Variants in MRPS6 observed in about 807,000 individuals in gnomAD.
MRPS6 encodes the protein mitochondrial ribosomal protein S6.
Under a neutral mutation model 13.1 loss-of-function variants are expected in MRPS6, and 6 were observed. That is an observed-to-expected ratio of 0.46 (90% CI 0.25 to 0.91). The LOEUF is 0.91. Ranked by LOEUF, MRPS6 falls within the 40% of genes least tolerant of loss-of-function variation. The probability of loss-of-function intolerance (pLI) is 0.18; values close to 1 mark genes in which losing one functional copy is unlikely to be tolerated. For synonymous variants in MRPS6, 61 were observed against 56.5 expected (o/e 1.08, Z -0.36); for missense variants, 164 against 155.6 (o/e 1.05, Z -0.29).
At chr21:34,109,065 C>G (rs1253074764) in intron 1 of MRPS6, among the ~76,000 whole-genome samples, 1 of 152,140 alleles carries the variant, frequency 6.6e-6, no homozygotes, top group Non-Finnish European at 1.5e-5. Context: ...TCCAACCCTT[C>G]TGTTGAAAAA....
intron 1 of MRPS6, chr21:34,100,507 T>A: frequency 1.0e-6 from 1 of 1,000,248 alleles, no homozygotes; most frequent in Non-Finnish European, 1.2e-6. Flanking sequence ...TCAATAGATC[T>A]CATCTCCTAG....
chr21:34,124,952 A>G (rs1012788686), intron 1 of MRPS6: 1 of 156,762 alleles, frequency 6.4e-6, no homozygotes, highest in Non-Finnish European at 1.4e-5. Context: ...TGTCCTGCCA[A>G]CGAGATACTC....
At chr21:34,081,849 A>G (rs972745776) in intron 1 of MRPS6, among the ~76,000 whole-genome samples, 2 of 152,188 alleles carry the variant, frequency 1.3e-5, no homozygotes, top group African/African-American at 4.8e-5. Context: ...AAAACTTATT[A>G]TATCTAAGTT....
chr21:34,080,667 CTT>C (rs1484965031), intron 1 of MRPS6, among the ~76,000 whole-genome samples: 1 of 152,182 alleles, frequency 6.6e-6, no homozygotes, highest in Non-Finnish European at 1.5e-5. Flanking sequence ...TCACTTTCTA[CTT>C]TGTATTACAG....
chr21:34,115,544 T>A (rs564166178), intron 1 of MRPS6, among the ~76,000 whole-genome samples: 105 of 152,304 alleles, frequency 6.9e-4, no homozygotes, highest in Non-Finnish European at 1.2e-3. Context: ...CTTGCAAGAC[T>A]CTTTCAGTAA....
chr21:34,119,963 T>G (rs964793067), intron 1 of MRPS6, among the ~76,000 whole-genome samples: 29 of 152,186 alleles, frequency 1.9e-4, no homozygotes, highest in Non-Finnish European at 3.8e-4. Flanking sequence ...CCCATTAGCA[T>G]CTCTAGAACT....
intron 1 of MRPS6, chr21:34,124,038 C>A (rs568832664): frequency 6.6e-6 from 1 of 152,430 alleles, no homozygotes; most frequent in African/African-American, 2.4e-5. Context: ...TTTCCTCTCC[C>A]CCTCCACCCT....
chr21:34,131,090 A>G (rs1980485300), intron 2 of MRPS6, among the ~76,000 whole-genome samples: 1 of 152,202 alleles, frequency 6.6e-6, no homozygotes, highest in South Asian at 2.1e-4. Context: ...TCCCAAAATG[A>G]GCTGTGTACT....
At chr21:34,100,842 A>G in intron 1 of MRPS6, 4 of 1,000,096 alleles carry the variant, frequency 4.0e-6, no homozygotes, top group East Asian at 1.1e-4. Flanking sequence ...GGTTATTTTC[A>G]TTCTTTACCA....
intron 1 of MRPS6, chr21:34,104,271 C>G (rs1181972568): frequency 1.0e-6 from 1 of 999,982 alleles, no homozygotes; most frequent in African/African-American, 1.7e-5. Context: ...TTTCACTTGT[C>G]CCATTAACCC....
At chr21:34,082,431 T>A (rs147276035) in intron 1 of MRPS6, among the ~76,000 whole-genome samples, 82 of 152,334 alleles carry the variant, frequency 5.4e-4, no homozygotes, top group African/African-American at 1.9e-3. Flanking sequence ...TGATATCTTG[T>A]TTTAGGCATG....
Position 34,141,314 on chromosome 21 carries a change from G to A in MRPS6, c.186-1094G>A, listed in dbSNP as rs542027331. ...AACGTACTTTGTGGAACAAAACAAAGCCTTGAGTGAGGGCAATGGAGAGTG... is the reference window on the plus strand; with the variant it reads ...AACGTACTTTGTGGAACAAAACAAAACCTTGAGTGAGGGCAATGGAGAGTG... On this transcript the variant is annotated intron_variant, in intron 2 of 2. Transcript: ENST00000399312. Among the ~76,000 whole-genome samples, 4 of 152,332 alleles carry A rather than the reference G, an allele frequency of 2.6e-5. 1 individual carries two copies. Among genetic ancestry groups the A allele is most frequent in the African/African-American group, 9.6e-5 (4 of 41,576 alleles).
intron 1 of MRPS6, among the ~76,000 whole-genome samples, chr21:34,111,588 C>T (rs995195005): frequency 6.6e-6 from 1 of 152,204 alleles, no homozygotes; most frequent in African/African-American, 2.4e-5. Context: ...TCTTGCTCTT[C>T]TGTTTTTTCC....
intron 1 of MRPS6, chr21:34,098,559 C>T (rs556340932): frequency 4.0e-6 from 4 of 1,000,096 alleles, no homozygotes; most frequent in East Asian, 2.3e-4. Context: ...GCAAACTGGC[C>T]GTCGGTAACA....
At chr21:34,100,393 A>G (rs1979179716) in intron 1 of MRPS6, 5 of 1,000,114 alleles carry the variant, frequency 5.0e-6, no homozygotes, top group Non-Finnish European at 6.0e-6. Context: ...ACTTGAGCCG[A>G]TTTCTTCTTC....
intron 2 of MRPS6, among the ~76,000 whole-genome samples, chr21:34,128,779 A>G (rs1032741232): frequency 2.6e-5 from 4 of 152,176 alleles, no homozygotes; most frequent in Non-Finnish European, 4.4e-5. Context: ...TCAGCTGAGG[A>G]CCATTTTAAA....
At chr21:34,097,064 A>G in intron 1 of MRPS6, 1 of 1,614,160 alleles carries the variant, frequency 6.2e-7, no homozygotes, top group Non-Finnish European at 8.5e-7. Context: ...TAGGTCATTC[A>G]GAGGCAGAAA....
intron 1 of MRPS6, chr21:34,099,561 A>G (rs752822172): frequency 1.3e-5 from 13 of 999,880 alleles, no homozygotes; most frequent in East Asian, 1.1e-4. Context: ...TGGGCAGCCT[A>G]TCTCTTCCAT....
At chr21:34,084,971 C>T (rs1186810776) in intron 1 of MRPS6, among the ~76,000 whole-genome samples, 1 of 151,534 alleles carries the variant, frequency 6.6e-6, no homozygotes, top group Non-Finnish European at 1.5e-5. Flanking sequence ...CTTGACATAC[C>T]TTTCTTAGGA....
Sources: allele counts gnomAD v4.1 joint callset (sites outside exome capture counted in the v4.1 genomes callset), GRCh38; gene constraint gnomAD v4.1.1; transcripts MANE v1.5; gene names NCBI Gene and HGNC (gene_info 2026-07-23, HGNC 2026-07-21).